LINGO2: variants seen among roughly 807,000 people sequenced by gnomAD.
The protein encoded by LINGO2 is leucine-rich repeat and immunoglobulin-like domain-containing nogo receptor-interacting protein 2.
A neutral mutation model predicts 30.6 loss-of-function variants in LINGO2; 14 were observed. The ratio of observed to expected loss-of-function variants is 0.46; its 90% CI spans 0.30 to 0.72. The LOEUF is 0.72. Among genes scored for constraint, LINGO2 ranks in the 30% least tolerant of loss-of-function variants. The pLI is 0.07. For missense variants in LINGO2, 729 were observed against 751.7 expected, an observed-to-expected ratio of 0.97 and a Z score of 0.35; for synonymous variants, 317 against 288.5, an observed-to-expected ratio of 1.10 and a Z score of -1.00.
chr9:28,762,870 G>T, the LINGO2 span, among the ~76,000 whole-genome samples: 1 of 151,944 alleles, frequency 6.6e-6, no homozygotes, highest in South Asian at 2.1e-4. Flanking sequence ...ACTACAGGAA[G>T]GAAGAAAGGA....
At chr9:28,726,990 G>A in the LINGO2 span, among the ~76,000 whole-genome samples, 2 of 152,106 alleles carry the variant, frequency 1.3e-5, 1 homozygote, top group Non-Finnish European at 2.9e-5. Flanking sequence ...GGAGAGGAGA[G>A]TGAGCATTTT....
the LINGO2 span, among the ~76,000 whole-genome samples, chr9:29,008,790 G>A: frequency 2.0e-5 from 3 of 151,700 alleles, no homozygotes; most frequent in African/African-American, 2.4e-5. Context: ...TTTTTTTCTT[G>A]TAAAAAAACG....
At chr9:27,979,785 T>C (rs1207103111) in intron 5 of LINGO2, among the ~76,000 whole-genome samples, 1 of 151,946 alleles carries the variant, frequency 6.6e-6, no homozygotes, top group Admixed American at 6.6e-5. Flanking sequence ...TTACTAGAAA[T>C]GGAAAACCAC....
chr9:27,963,847 C>A (rs554880350), intron 5 of LINGO2, among the ~76,000 whole-genome samples: 4 of 151,710 alleles, frequency 2.6e-5, no homozygotes, highest in Admixed American at 2.0e-4. Flanking sequence ...AAATCCTGGA[C>A]TCCATGAAAT....
At chr9:28,078,333 G>C (rs943108593) in intron 4 of LINGO2, among the ~76,000 whole-genome samples, 1 of 148,988 alleles carries the variant, frequency 6.7e-6, no homozygotes, top group African/African-American at 2.6e-5. Flanking sequence ...AGCAATGTTT[G>C]AGGAATATGG....
At chr9:28,926,479 T>A in the LINGO2 span, among the ~76,000 whole-genome samples, 29 of 152,170 alleles carry the variant, frequency 1.9e-4, no homozygotes, top group Admixed American at 3.9e-4. Context: ...CCCCTACATA[T>A]GCTGACATGA....
intron 4 of LINGO2, among the ~76,000 whole-genome samples, chr9:28,211,203 T>C (rs1315109943): frequency 6.6e-6 from 1 of 151,532 alleles, no homozygotes; most frequent in African/African-American, 2.4e-5. Context: ...TGCAATTAAT[T>C]ACCGTAGCCC....
At chr9:27,948,759 A>C in exon 6 of LINGO2, 2 of 1,409,656 alleles carry the variant, frequency 1.4e-6, no homozygotes, top group East Asian at 2.3e-5. Context: ...GCAGCTGCAC[A>C]TGGCTGCCTC....
At chr9:28,368,304 C>T (rs900477017) in intron 3 of LINGO2, among the ~76,000 whole-genome samples, 3 of 152,028 alleles carry the variant, frequency 2.0e-5, no homozygotes, top group Non-Finnish European at 4.4e-5. Context: ...GTTTGCTGGA[C>T]CTGTCAGTTG....
At chr9:29,116,133 T>TC in the LINGO2 span, among the ~76,000 whole-genome samples, 1 of 87,868 alleles carries the variant, frequency 1.1e-5, no homozygotes, top group Non-Finnish European at 2.4e-5. Context: ...TTAATCATTA[T>TC]GGAGGAGTGA....
intron 4 of LINGO2, among the ~76,000 whole-genome samples, chr9:28,128,754 G>A (rs1446391880): frequency 6.6e-6 from 1 of 152,154 alleles, no homozygotes; most frequent in African/African-American, 2.4e-5. Context: ...AGATAACAGA[G>A]CTGCCTTTGT....
At chr9:28,983,436 G>T in the LINGO2 span, among the ~76,000 whole-genome samples, 3 of 151,266 alleles carry the variant, frequency 2.0e-5, no homozygotes, top group African/African-American at 7.3e-5. Context: ...CTAATACAAA[G>T]TGAGTAGCAA....
At chr9:28,648,629 C>A (rs967503465) in intron 1 of LINGO2, among the ~76,000 whole-genome samples, 16 of 151,874 alleles carry the variant, frequency 1.1e-4, no homozygotes, top group African/African-American at 2.4e-4. Context: ...CATGTTTGAA[C>A]AAATTAAAGA....
At chr9:28,683,985 T>C in the LINGO2 span, among the ~76,000 whole-genome samples, 1 of 152,128 alleles carries the variant, frequency 6.6e-6, no homozygotes, top group Non-Finnish European at 1.5e-5. Flanking sequence ...GCTTTTGGTT[T>C]CCTGCTTTTA....
the LINGO2 span, among the ~76,000 whole-genome samples, chr9:29,176,509 G>A: frequency 3.3e-5 from 5 of 152,314 alleles, no homozygotes; most frequent in Non-Finnish European, 5.9e-5. Flanking sequence ...AGGACTAAGA[G>A]CATGGAGCTT....
At chr9:27,942,638 G>C in the LINGO2 span, 13 of 152,044 alleles carry the variant, frequency 8.6e-5, no homozygotes, top group African/African-American at 2.9e-4. Flanking sequence ...TTAGGTTCTT[G>C]GTTATTAACT....
At chr9:28,871,198 T>G in the LINGO2 span, among the ~76,000 whole-genome samples, 1 of 151,544 alleles carries the variant, frequency 6.6e-6, no homozygotes, top group Non-Finnish European at 1.5e-5. Context: ...TATATAATAA[T>G]GAGGTAAGCC....
At chr9:27,952,286 A>G (rs1391556609) in intron 5 of LINGO2, among the ~76,000 whole-genome samples, 3 of 152,034 alleles carry the variant, frequency 2.0e-5, no homozygotes, top group Non-Finnish European at 4.4e-5. Flanking sequence ...ACTTAACAAG[A>G]AATACATAGA....
the LINGO2 span, among the ~76,000 whole-genome samples, chr9:28,964,005 A>T: frequency 1.3e-4 from 19 of 151,952 alleles, no homozygotes; most frequent in African/African-American, 4.3e-4. Flanking sequence ...ATCATTACCC[A>T]TCTAATTGTG....
Sources: allele counts gnomAD v4.1 joint callset (sites outside exome capture counted in the v4.1 genomes callset), GRCh38; gene constraint gnomAD v4.1.1; transcripts MANE v1.5; gene names NCBI Gene and HGNC (gene_info 2026-07-23, HGNC 2026-07-21).